The following CACNG4 variants were observed in gnomAD, a reference collection of about 807,000 sequenced individuals.
The protein encoded by CACNG4 is calcium voltage-gated channel auxiliary subunit gamma 4.
Under a neutral mutation model 22.9 loss-of-function variants are expected in CACNG4, and 8 were observed. The observed-to-expected ratio is 0.35, with a 90% CI of 0.21 to 0.63. The LOEUF (loss-of-function observed/expected upper bound fraction) is 0.63, where lower values mean the gene tolerates loss of function less well. Among genes scored for constraint, CACNG4 ranks in the 30% least tolerant of loss-of-function variants. The pLI is 0.72. For synonymous variants in CACNG4, 188 were observed against 191.9 expected (o/e 0.98, Z 0.17); for missense variants, 357 against 455.4 (o/e 0.78, Z 1.97).
At chr17:67,019,783 T>G (rs892481799) in intron 2 of CACNG4, among the ~76,000 whole-genome samples, 1 of 152,184 alleles carries the variant, frequency 6.6e-6, no homozygotes, top group Non-Finnish European at 1.5e-5. Flanking sequence ...TTGGTGCTGG[T>G]TGTTCTTTAC....
chr17:67,031,824 T>C lies in CACNG4; in HGVS notation c.*820T>C, dbSNP rs1193702184. On this transcript the variant is annotated 3_prime_UTR_variant, in exon 4 of 4. Coordinates refer to ENST00000262138, the MANE Select transcript of CACNG4 (RefSeq NM_014405.4). This position sits in a 1 kb window ranked among gnomAD's most constrained non-coding sequence, Gnocchi z 4.0. The stretch of plus-strand genomic sequence containing the variant: ...ATGGCGGCCACGTGACCTCTTGCCG[T>C]GCCCCTTGTCATAGACCCAAGGAGC... 1 of 456,546 alleles carries C rather than the reference T, an allele frequency of 2.2e-6. No homozygotes were observed. The highest frequency in any genetic ancestry group is 4.4e-6 in the Non-Finnish European group (1 of 226,986). The allele number at this position is 456,546 out of a possible 1,614,324, so 28.3% of individuals were successfully genotyped here.
chr17:66,999,726 C>T (rs3785588), intron 1 of CACNG4, among the ~76,000 whole-genome samples: 23,756 of 152,008 alleles, frequency 0.16, 4,404 homozygotes, highest in African/African-American at 0.44. Context: ...CCATCAATAC[C>T]TGGGGATTAC....
chr17:67,004,702 C>T (rs541167486), intron 1 of CACNG4, among the ~76,000 whole-genome samples: 2 of 152,172 alleles, frequency 1.3e-5, no homozygotes, highest in Non-Finnish European at 2.9e-5. Flanking sequence ...CATAAACCAA[C>T]TTCTCTGACT....
At chr17:67,025,084 G>A in intron 3 of CACNG4, 84 bp downstream of exon 3, 1 of 1,340,956 alleles carries the variant, frequency 7.5e-7, no homozygotes, top group Non-Finnish European at 9.9e-7. Context: ...CTGCCAGGCA[G>A]TGTGCATCCT....
chr17:66,996,172 C>G (rs568773133), intron 1 of CACNG4, among the ~76,000 whole-genome samples: 1 of 152,124 alleles, frequency 6.6e-6, no homozygotes, highest in South Asian at 2.1e-4. Context: ...GCCAATGCCT[C>G]TCTGCTCCGT....
chr17:66,977,341 C>T (rs1463720399), intron 1 of CACNG4, among the ~76,000 whole-genome samples: 5 of 152,216 alleles, frequency 3.3e-5, no homozygotes, highest in Admixed American at 6.5e-5. Context: ...GCCCGCCCCA[C>T]TTTCTGACTC....
chr17:67,032,259 A>G lies in CACNG4; in HGVS notation c.*1255A>G, dbSNP rs891060378. 3 of 330,318 alleles carry G rather than the reference A, an allele frequency of 9.1e-6. No individual in the cohort carries two copies. Among genetic ancestry groups the G allele is most frequent in the Non-Finnish European group, 1.2e-5 (2 of 169,594 alleles). The allele number at this position is 330,318 out of a possible 1,614,324, so 20.5% of individuals were successfully genotyped here. On this transcript the variant is annotated 3_prime_UTR_variant, in exon 4 of 4. Coordinates refer to ENST00000262138, the MANE Select transcript of CACNG4 (RefSeq NM_014405.4). ...TGAGGAAGTGGTTTCTGTGTTTTACAGTTTTTCCAGCCATTCTTTTCTTCC... is the reference window on the plus strand; with the variant it reads ...TGAGGAAGTGGTTTCTGTGTTTTACGGTTTTTCCAGCCATTCTTTTCTTCC...
chr17:66,996,709 G>A (rs2035377482), intron 1 of CACNG4, among the ~76,000 whole-genome samples: 1 of 152,074 alleles, frequency 6.6e-6, no homozygotes, highest in Non-Finnish European at 1.5e-5. Context: ...AACATGAATC[G>A]AGCAGAGACT....
At chr17:67,004,537 C>T (rs2035426337) in intron 1 of CACNG4, among the ~76,000 whole-genome samples, 1 of 152,086 alleles carries the variant, frequency 6.6e-6, no homozygotes, top group Non-Finnish European at 1.5e-5. Flanking sequence ...TCCAGGGAAC[C>T]CATGCTTATT....
intron 1 of CACNG4, among the ~76,000 whole-genome samples, chr17:67,006,148 C>T (rs1192981355): frequency 3.3e-5 from 5 of 152,182 alleles, no homozygotes; most frequent in African/African-American, 1.2e-4. Flanking sequence ...GCTTGTTCCT[C>T]GTGGGTGAGC....
intron 1 of CACNG4, among the ~76,000 whole-genome samples, chr17:66,992,697 T>TG (rs2035348522): frequency 6.6e-6 from 1 of 152,242 alleles, no homozygotes; most frequent in African/African-American, 2.4e-5. Flanking sequence ...GAGAGGCTGT[T>TG]GCGTTTGCAC....
At position 67,024,912 on chromosome 17, in the gene CACNG4, G is replaced by T. The variant is rs2035554485; in HGVS notation, c.357G>T (p.Leu119=). The T allele has an allele frequency of 1.2e-6, 2 of 1,605,532 alleles. No homozygotes were observed. Among genetic ancestry groups the T allele is most frequent in the Non-Finnish European group, 1.7e-6 (2 of 1,177,360 alleles). ...VFPILSTILL[L]LGGLCIGAGR... is the part of the protein sequence containing the mutation. ...CCATCCTCAGCACCATCCTGCTCCT[G>T]CTGGGTGGCCTGTGCATCGGTGCTG... is the stretch of plus-strand genomic sequence containing the variant. Residue 119 remains leucine, a synonymous_variant, in exon 3 of 4, where the codon CTG becomes CTT. Coordinates refer to ENST00000262138, the MANE Select transcript of CACNG4 (RefSeq NM_014405.4).
At position 66,994,834 on chromosome 17, in the gene CACNG4, G is replaced by T. The variant is rs74457844; in HGVS notation, c.221-23355G>T. On this transcript the variant is annotated intron_variant, in intron 1 of 3. Coordinates refer to ENST00000262138, the MANE Select transcript of CACNG4 (RefSeq NM_014405.4). ...TTCTCAGAGGCCAGTGGTAGTGGAG[G>T]GGGAGGGAGTGAGAGGTCTTCCCAG... 1.0e-2 allele frequency among the ~76,000 whole-genome samples: 1,519 copies of T among 152,262 alleles called. 10 individuals are homozygous for T. Among genetic ancestry groups the T allele is most frequent in the Non-Finnish European group, 0.017 (1,133 of 67,992 alleles).
intron 1 of CACNG4, among the ~76,000 whole-genome samples, chr17:67,006,781 G>A (rs1395263603): frequency 6.6e-6 from 1 of 152,190 alleles, no homozygotes; most frequent in Non-Finnish European, 1.5e-5. Context: ...AAGAAAGAAT[G>A]GGCAAAGGAT....
chr17:67,024,053 C>A (rs753285495), intron 2 of CACNG4, among the ~76,000 whole-genome samples: 12 of 152,138 alleles, frequency 7.9e-5, no homozygotes, highest in Non-Finnish European at 1.3e-4. Flanking sequence ...AGTGGCAGAG[C>A]GAGGTTAGTC....
intron 1 of CACNG4, among the ~76,000 whole-genome samples, chr17:67,017,988 G>A (rs1274171117): frequency 6.6e-6 from 1 of 152,066 alleles, no homozygotes. Flanking sequence ...TCACCTTTGG[G>A]GCATATCTCT....
At chr17:66,972,782 C>T (rs777237789) in intron 1 of CACNG4, among the ~76,000 whole-genome samples, 9 of 151,570 alleles carry the variant, frequency 5.9e-5, no homozygotes, top group Non-Finnish European at 8.8e-5. Flanking sequence ...AAAAATTAGC[C>T]GGGCGTAGTG....
intron 3 of CACNG4, among the ~76,000 whole-genome samples, chr17:67,029,287 G>A (rs556085593): frequency 3.3e-5 from 5 of 151,844 alleles, no homozygotes; most frequent in Non-Finnish European, 5.9e-5. Context: ...AGCGGAGATC[G>A]TGCCACTGCA....
chr17:66,993,111 GC>G (rs150168483), intron 1 of CACNG4, among the ~76,000 whole-genome samples: 6,272 of 152,342 alleles, frequency 0.041, 406 homozygotes, highest in African/African-American at 0.14. Flanking sequence ...ATCCACTGGG[GC>G]TCAGCCACCC....
Sources: gnomAD v4.1 joint callset for allele counts (sites outside exome capture counted in the v4.1 genomes callset) on GRCh38, gnomAD v4.1.1 for gene constraint, Gnocchi (gnomAD v3.1) non-coding constraint, MANE v1.5 for transcripts, NCBI Gene and HGNC (gene_info 2026-07-23, HGNC 2026-07-21) for gene names.